The following AHCYL2 variants were observed in gnomAD, a reference collection of about 807,000 sequenced individuals.
AHCYL2 encodes the protein adenosylhomocysteinase like 2, also known as S-adenosylhomocysteine hydrolase-like protein 2.
AHCYL2 carries 28 observed loss-of-function variants against 81.4 expected under a neutral mutation model. That is an observed-to-expected ratio of 0.34 (90% CI 0.25 to 0.47). The LOEUF is 0.47. Ranked by LOEUF, AHCYL2 falls within the 20% of genes least tolerant of loss-of-function variation. The pLI is 1.00. For synonymous variants in AHCYL2, 272 were observed against 290.2 expected (o/e 0.94, Z 0.64); for missense variants, 551 against 785.1 (o/e 0.70, Z 3.56).
At chr7:129,352,162 C>T (rs1793590237) in intron 1 of AHCYL2, among the ~76,000 whole-genome samples, 1 of 151,900 alleles carries the variant, frequency 6.6e-6, no homozygotes, top group South Asian at 2.1e-4. Context: ...CACTAGGCTC[C>T]TTTTTTTAAT....
At chr7:129,335,796 T>A (rs1798579913) in intron 1 of AHCYL2, among the ~76,000 whole-genome samples, 1 of 152,204 alleles carries the variant, frequency 6.6e-6, no homozygotes, top group Non-Finnish European at 1.5e-5. Context: ...AGACAGAAAC[T>A]GCGTGACTTT....
intron 1 of AHCYL2, among the ~76,000 whole-genome samples, chr7:129,292,444 C>T (rs1231103100): frequency 6.6e-6 from 1 of 152,152 alleles, no homozygotes. Flanking sequence ...CTCTCCCACT[C>T]AGTAAAGTTA....
intron 12 of AHCYL2, among the ~76,000 whole-genome samples, chr7:129,416,605 C>T (rs1346325246): frequency 2.6e-5 from 4 of 152,010 alleles, no homozygotes; most frequent in Non-Finnish European, 5.9e-5. Context: ...CAAGACCAGC[C>T]TGGCTAACAT....
At chr7:129,400,432 G>A (rs1269583824) in intron 6 of AHCYL2, 48 bp downstream of exon 6, 1 of 1,565,520 alleles carries the variant, frequency 6.4e-7, no homozygotes, top group Non-Finnish European at 8.8e-7. Context: ...CAGGAATGGG[G>A]ATGGGTGGAG....
chr7:129,304,455 A>G (rs1298610162), intron 1 of AHCYL2, among the ~76,000 whole-genome samples: 1 of 152,210 alleles, frequency 6.6e-6, no homozygotes, highest in African/African-American at 2.4e-5. Flanking sequence ...TGTCTGGATG[A>G]TCTGTCCGAT....
intron 1 of AHCYL2, among the ~76,000 whole-genome samples, chr7:129,373,591 C>T (rs1327740353): frequency 6.6e-6 from 1 of 151,344 alleles, no homozygotes; most frequent in Non-Finnish European, 1.5e-5. Context: ...CAGACCAAGA[C>T]TCAGTCTCAA....
rs908981924 is a variant in AHCYL2, at chr7:129,394,841, A to T, written c.721-2381A>T. On this transcript the variant is annotated intron_variant, in intron 4 of 16. Coordinates refer to ENST00000325006, the MANE Select transcript of AHCYL2 (RefSeq NM_015328.4). ...CTCAACTAGATCCTTTAACATAAAC[A>T]TATTAGTCCAGCCTGGGCAATATAG... Among the ~76,000 whole-genome samples, 3 of 152,194 alleles carry T rather than the reference A, an allele frequency of 2.0e-5. No individual in the cohort carries two copies. In the East Asian group the frequency reaches 5.8e-4, roughly 29 times the overall value.
intron 1 of AHCYL2, among the ~76,000 whole-genome samples, chr7:129,258,335 A>G (rs1283931927): frequency 6.6e-6 from 1 of 151,620 alleles, no homozygotes; most frequent in Admixed American, 6.6e-5. Flanking sequence ...AATACAAAAT[A>G]CTAACCTTAT....
Position 129,368,858 on chromosome 7 carries a change from G to GCACTTCTGTTTTC in AHCYL2, c.364-10779_364-10767dup, listed in dbSNP as rs1244284790. Among the ~76,000 whole-genome samples the GCACTTCTGTTTTC allele has an allele frequency of 6.6e-6, 1 of 152,114 alleles. No homozygotes were observed. The highest frequency in any genetic ancestry group is 2.4e-5 in the African/African-American group (1 of 41,410). ...GGGTTGTGTTTCCTGTGACTGTTTTGCACTTCTGTTTTCAACCTGATGCTT... is the reference window on the plus strand; with the variant it reads ...GGGTTGTGTTTCCTGTGACTGTTTTGCACTTCTGTTTTCCACTTCTGTTTTCAACCTGATGCTT... On this transcript the variant is annotated intron_variant, in intron 1 of 16. Transcript: ENST00000325006. This position sits in a 1 kb window ranked among gnomAD's most constrained non-coding sequence, Gnocchi z 4.4.
At chr7:129,361,649 G>T (rs752125563) in intron 1 of AHCYL2, among the ~76,000 whole-genome samples, 38 of 151,978 alleles carry the variant, frequency 2.5e-4, no homozygotes, top group Non-Finnish European at 4.7e-4. Flanking sequence ...TTTATTTTTG[G>T]ACACCCAGTC....
intron 1 of AHCYL2, among the ~76,000 whole-genome samples, chr7:129,353,611 T>G (rs1195050403): frequency 6.7e-6 from 1 of 150,032 alleles, no homozygotes; most frequent in East Asian, 1.9e-4. Context: ...AGCAAATAAT[T>G]TTAGATGTGT....
chr7:129,256,818 C>G (rs1467063053), intron 1 of AHCYL2, among the ~76,000 whole-genome samples: 1 of 151,402 alleles, frequency 6.6e-6, no homozygotes, highest in Admixed American at 6.6e-5. Context: ...ATAAATATTG[C>G]CAAATGCAAT....
At chr7:129,352,081 C>T (rs1283977477) in intron 1 of AHCYL2, among the ~76,000 whole-genome samples, 1 of 151,802 alleles carries the variant, frequency 6.6e-6, no homozygotes, top group Non-Finnish European at 1.5e-5. Flanking sequence ...ACATAAAGTA[C>T]TTCGGCTGCA....
chr7:129,306,600 CTTTG>C (rs1035834797), intron 1 of AHCYL2, among the ~76,000 whole-genome samples: 5 of 152,058 alleles, frequency 3.3e-5, no homozygotes, highest in African/African-American at 9.7e-5. Flanking sequence ...TGATGCCTAA[CTTTG>C]TTTGTTTGGT....
chr7:129,336,071 C>CTTTTTT (rs11373631), intron 1 of AHCYL2, among the ~76,000 whole-genome samples: 4 of 118,460 alleles, frequency 3.4e-5, no homozygotes, highest in South Asian at 2.5e-4. Flanking sequence ...CTTTTCTTTC[C>CTTTTTT]TTTTTTTTTT....
intron 1 of AHCYL2, among the ~76,000 whole-genome samples, chr7:129,350,326 T>TA (rs2150828805): frequency 6.6e-6 from 1 of 152,108 alleles, no homozygotes; most frequent in South Asian, 2.1e-4. Flanking sequence ...TTAAATGAGA[T>TA]AATACATGCC....
In AHCYL2 at chr7:129,419,686, C is replaced by T. The variant is rs1261547643; in HGVS notation, c.1462-3154C>T. 6.6e-6 allele frequency among the ~76,000 whole-genome samples: 1 copy of T among 151,828 alleles called. No homozygotes were observed. The highest frequency in any genetic ancestry group is 1.5e-5 in the Non-Finnish European group (1 of 67,972). On this transcript the variant is annotated intron_variant, in intron 12 of 16. Coordinates refer to ENST00000325006, the MANE Select transcript of AHCYL2 (RefSeq NM_015328.4). The surrounding 1 kb of genome is among the most constrained non-coding windows in gnomAD (Gnocchi z 4.7). ...TTTTTCCAGCCGAAGAACGATTTAACCTGAGACTTTGTGCTTTACAGGACT... is the reference window on the plus strand; with the variant it reads ...TTTTTCCAGCCGAAGAACGATTTAATCTGAGACTTTGTGCTTTACAGGACT...
chr7:129,390,404 T>A (rs1289776009), intron 4 of AHCYL2, among the ~76,000 whole-genome samples: 1 of 151,954 alleles, frequency 6.6e-6, no homozygotes, highest in African/African-American at 2.4e-5. Flanking sequence ...CTGGAATAAA[T>A]CCCCTGAGGA....
chr7:129,291,055 A>G (rs981281319), intron 1 of AHCYL2, among the ~76,000 whole-genome samples: 2 of 152,128 alleles, frequency 1.3e-5, no homozygotes, highest in African/African-American at 4.8e-5. Context: ...TAAAAAAAGG[A>G]GTAATTCAGA....
Sources: gnomAD v4.1 joint callset for allele counts (sites outside exome capture counted in the v4.1 genomes callset) on GRCh38, gnomAD v4.1.1 for gene constraint, Gnocchi (gnomAD v3.1) non-coding constraint, MANE v1.5 for transcripts, NCBI Gene and HGNC (gene_info 2026-07-23, HGNC 2026-07-21) for gene names.